SLC8A1: variants seen among roughly 807,000 people sequenced by gnomAD.
The protein encoded by SLC8A1 is sodium/calcium exchanger 1.
Under a neutral mutation model 68.3 loss-of-function variants are expected in SLC8A1, and 18 were observed. That is an observed-to-expected ratio of 0.26 (90% confidence interval 0.18 to 0.39). The LOEUF is 0.39. Ranked by LOEUF, SLC8A1 falls within the 10% of genes least tolerant of loss-of-function variation. The probability of loss-of-function intolerance (pLI) is 1.00; values close to 1 mark genes in which losing one functional copy is unlikely to be tolerated. For synonymous variants in SLC8A1, 475 were observed against 415.5 expected (o/e 1.14, Z -1.74); for missense variants, 985 against 1,156.7 (o/e 0.85, Z 2.15).
At chr2:40,507,787 AGT>A (rs1283447899) in intron 1 of SLC8A1, among the ~76,000 whole-genome samples, 2 of 152,106 alleles carry the variant, frequency 1.3e-5, no homozygotes, top group African/African-American at 2.4e-5. Flanking sequence ...TTTGCTTAGA[AGT>A]GTGCTTGGAA....
chr2:40,359,181 A>G (rs937796770), intron 2 of SLC8A1, among the ~76,000 whole-genome samples: 2 of 152,176 alleles, frequency 1.3e-5, no homozygotes, highest in Non-Finnish European at 2.9e-5. Flanking sequence ...TGGGCTGTAA[A>G]TGTAAAATAC....
In SLC8A1 at chr2:40,326,426, C is replaced by T. The variant is rs183480241; in HGVS notation, c.1808+102047G>A. ...CACAGTGCTTCTATTTGAAAGGCTC[C>T]AATAAGCAGCAGGGAAGAGATAAAA... On this transcript the variant is annotated intron_variant, in intron 2 of 7. Coordinates refer to ENST00000406785, the Ensembl canonical transcript of SLC8A1. 4.0e-3 allele frequency among the ~76,000 whole-genome samples: 603 copies of T among 150,140 alleles called. 3 individuals are homozygous for T. Among genetic ancestry groups the T allele is most frequent in the Non-Finnish European group, 6.6e-3 (450 of 67,714 alleles).
chr2:40,398,296 C>G lies in SLC8A1; in HGVS notation c.1808+30177G>C, dbSNP rs189613686. On this transcript the variant is annotated intron_variant, in intron 2 of 7. Transcript: ENST00000406785. ...GGCTTTTTAGAGGAGTCTCTCAGCA[C>G]TACCAGCAGAGTCTTTTGACCTATG... Among the ~76,000 whole-genome samples, 3 of 152,270 alleles carry G rather than the reference C, an allele frequency of 2.0e-5. 1 individual carries two copies. The highest frequency in any genetic ancestry group is 7.2e-5 in the African/African-American group (3 of 41,562).
At chr2:40,170,467 A>T in intron 4 of SLC8A1, 118 bp from the exon 7 acceptor site, 2 of 827,760 alleles carry the variant, frequency 2.4e-6, no homozygotes, top group Non-Finnish European at 4.0e-6. Flanking sequence ...AAGCAACGTT[A>T]GTTTGGGGAT....
In SLC8A1 at chr2:40,115,457, T is replaced by C. The variant is rs372922406; in HGVS notation, c.2610A>G (p.Thr870=). The change falls in exon 8 of 8, where the codon ACA becomes ACG. Residue 870 remains threonine (T), a synonymous_variant. Transcript: ENST00000406785. Reference sequence around the variant, plus strand: ...TGAAGAGAGTGACAGAGAAAGCTAGTGTGCCAGGGGACACTTTGAACTGTT... The same window carrying C: ...TGAAGAGAGTGACAGAGAAAGCTAGCGTGCCAGGGGACACTTTGAACTGTT... The C allele has an allele frequency of 5.0e-6, 8 of 1,614,084 alleles. No individual in the cohort carries two copies. The African/African-American group carries it at 1.1e-4, about 22-fold the overall frequency.
chr2:40,497,508 TA>T (rs1705786702), intron 1 of SLC8A1, among the ~76,000 whole-genome samples: 1 of 151,544 alleles, frequency 6.6e-6, no homozygotes. Context: ...CAGTATTGGG[TA>T]AGGGGGAGTT....
At chr2:40,289,335 A>G (rs2149222642) in intron 2 of SLC8A1, among the ~76,000 whole-genome samples, 1 of 152,240 alleles carries the variant, frequency 6.6e-6, no homozygotes, top group Non-Finnish European at 1.5e-5. Context: ...TACAATGCAA[A>G]GGGAAAAAAT....
intron 2 of SLC8A1, chr2:40,210,160 C>G (rs1372054869): frequency 5.3e-5 from 8 of 152,116 alleles, no homozygotes; most frequent in Non-Finnish European, 1.2e-4. Context: ...AGCTATGGCT[C>G]CAGTAAGGAA....
intron 7 of SLC8A1, among the ~76,000 whole-genome samples, chr2:40,120,546 C>T (rs1427956487): frequency 6.6e-6 from 1 of 152,126 alleles, no homozygotes; most frequent in African/African-American, 2.4e-5. Flanking sequence ...GGGTGGTGCA[C>T]AGAATACATT....
At position 40,341,484 on chromosome 2, in the gene SLC8A1, GAA is replaced by G. The variant is rs1272775983; in HGVS notation, c.1808+86987_1808+86988del. ...ATCTTTGCAGGTTACTCTATAAAAT[GAA>G]AGAGTTCCTTCTGTGGCTTTGTTGA... On this transcript the variant is annotated intron_variant, in intron 2 of 7. Transcript: ENST00000406785. 2.0e-5 allele frequency among the ~76,000 whole-genome samples: 3 copies of G among 152,258 alleles called. No homozygotes were observed. In the East Asian group the frequency reaches 5.8e-4, roughly 29 times the overall value.
intron 6 of SLC8A1, among the ~76,000 whole-genome samples, chr2:40,147,582 T>C (rs2042695158): frequency 6.6e-6 from 1 of 152,204 alleles, no homozygotes. Context: ...AGGACTCTGA[T>C]AACACTTTGT....
At position 40,102,046 on chromosome 2, in the gene SLC8A1, C is replaced by T. The variant is rs1288422928; in HGVS notation, c.*13207G>A. 4 of 152,120 alleles carry T rather than the reference C, an allele frequency of 2.6e-5. No homozygotes were observed. The East Asian group carries it at 5.8e-4, about 22-fold the overall frequency. The allele number at this position is 152,120 out of a possible 1,614,324, so 9.4% of individuals were successfully genotyped here. ...TGTGAAGGTCAATATTGGATTTCCC[C>T]CACCAGACATTCTTACAATGTGGGT... On this transcript the variant is annotated 3_prime_UTR_variant, in exon 8 of 8. Coordinates refer to ENST00000406785, the Ensembl canonical transcript of SLC8A1.
intron 2 of SLC8A1, among the ~76,000 whole-genome samples, chr2:40,388,506 G>T (rs913780750): frequency 6.6e-6 from 1 of 152,096 alleles, no homozygotes. Context: ...CATTTAAAAC[G>T]TTAGGCTCAT....
chr2:40,144,323 A>G (rs530569826), intron 6 of SLC8A1, among the ~76,000 whole-genome samples: 1 of 152,316 alleles, frequency 6.6e-6, no homozygotes, highest in South Asian at 2.1e-4. Context: ...TAACACTGCA[A>G]AGTGGGCATT....
chr2:40,270,703 C>T (rs985000773), intron 2 of SLC8A1, among the ~76,000 whole-genome samples: 16 of 152,330 alleles, frequency 1.1e-4, no homozygotes, highest in South Asian at 6.2e-4. Context: ...AAGTCCCCTT[C>T]GCCAAGTCAG....
chr2:40,104,608 C>A (rs1388952181), exon 8 of SLC8A1: 1 of 152,054 alleles, frequency 6.6e-6, no homozygotes. Context: ...ATTAGAATGC[C>A]ATAAGTGGAC....
chr2:40,434,274 A>G (rs1413287062), intron 1 of SLC8A1, among the ~76,000 whole-genome samples: 2 of 152,258 alleles, frequency 1.3e-5, no homozygotes, highest in African/African-American at 4.8e-5. Flanking sequence ...ATTTGTGAAC[A>G]GTGGACACAG....
chr2:40,450,752 G>A (rs114522126), intron 1 of SLC8A1, among the ~76,000 whole-genome samples: 138 of 152,332 alleles, frequency 9.1e-4, no homozygotes, highest in Middle Eastern at 3.4e-3. Context: ...AGAGAGAGCG[G>A]CTTCAGGAGA....
intron 2 of SLC8A1, among the ~76,000 whole-genome samples, chr2:40,307,198 T>C (rs2072813098): frequency 6.8e-6 from 1 of 147,852 alleles, no homozygotes; most frequent in South Asian, 2.1e-4. Context: ...CACACCAATA[T>C]AACAGAATGT....
Sources: gnomAD v4.1 joint callset for allele counts (sites outside exome capture counted in the v4.1 genomes callset) on GRCh38, gnomAD v4.1.1 for gene constraint, MANE v1.5 for transcripts, NCBI Gene and HGNC (gene_info 2026-07-23, HGNC 2026-07-21) for gene names.